ALPL: variants seen among roughly 807,000 people sequenced by gnomAD.
ALPL encodes the protein alkaline phosphatase, tissue-nonspecific isozyme.
ALPL carries 42 observed loss-of-function variants against 51.3 expected under a neutral mutation model. That is an observed-to-expected ratio of 0.82 (90% CI 0.64 to 1.06). ALPL has a LOEUF of 1.06. Ranked by LOEUF, ALPL falls within the 50% of genes least tolerant of loss-of-function variation. ALPL has a pLI of 0.00. For synonymous variants in ALPL, 279 were observed against 296.4 expected, an observed-to-expected ratio of 0.94 and a Z score of 0.60; for missense variants, 589 against 709.4, an observed-to-expected ratio of 0.83 and a Z score of 1.93.
chr1:21,540,800 C>T (rs1258539908), intron 1 of ALPL, among the ~76,000 whole-genome samples: 5 of 152,186 alleles, frequency 3.3e-5, no homozygotes, highest in Non-Finnish European at 7.3e-5. Flanking sequence ...CCCACCCCCA[C>T]GGACACTTCT....
intron 1 of ALPL, among the ~76,000 whole-genome samples, chr1:21,525,524 G>T (rs555390895): frequency 6.6e-6 from 1 of 152,340 alleles, no homozygotes; most frequent in South Asian, 2.1e-4. Context: ...GGGTGCTGGC[G>T]TCTTGGCACT....
At chr1:21,512,303 C>G (rs1005649156) in intron 1 of ALPL, among the ~76,000 whole-genome samples, 1 of 152,134 alleles carries the variant, frequency 6.6e-6, no homozygotes. Context: ...GCCATGCGAC[C>G]CTGGACAAGT....
Position 21,573,454 on chromosome 1 carries a change from GAAAAGAAAAAGAA to G in ALPL, c.863-200_863-188del, listed in dbSNP as rs199875083. On this transcript the variant is annotated intron_variant, in intron 8 of 11. Transcript: ENST00000374840. ...TCTGTCTCAAAAAAAAAAAAGAAAA[GAAAAGAAAAAGAA>G]AAAAGAAAAAAAAAGGAATTGGGGG... is the stretch of plus-strand genomic sequence containing the variant. Among the ~76,000 whole-genome samples the G allele has an allele frequency of 1.1e-3, 170 of 148,146 alleles. 1 individual carries two copies. The highest frequency in any genetic ancestry group is 3.0e-3 in the South Asian group (14 of 4,708).
intron 9 of ALPL, 87 bp downstream of exon 9, chr1:21,573,886 G>A: frequency 6.3e-7 from 1 of 1,595,200 alleles, no homozygotes; most frequent in Admixed American, 1.8e-5. Flanking sequence ...AAAGGGAACT[G>A]ACTGGTTTGG....
intron 1 of ALPL, among the ~76,000 whole-genome samples, chr1:21,540,378 G>C (rs937070216): frequency 6.6e-6 from 1 of 152,122 alleles, no homozygotes; most frequent in Non-Finnish European, 1.5e-5. Context: ...GTTGGTTTGG[G>C]GCATCATGAC....
chr1:21,510,160 C>G (rs1218658343), intron 1 of ALPL, among the ~76,000 whole-genome samples: 2 of 152,224 alleles, frequency 1.3e-5, no homozygotes, highest in East Asian at 3.9e-4. Context: ...CCGAAGGAGC[C>G]TGCCGCCCCC....
intron 10 of ALPL, 78 bp downstream of exon 10, chr1:21,576,002 C>A: frequency 1.3e-6 from 2 of 1,525,918 alleles, no homozygotes; most frequent in Non-Finnish European, 1.8e-6. Flanking sequence ...GGTGGGAGAG[C>A]CAGCAAGCCC....
At chr1:21,537,713 C>T (rs10917006) in intron 1 of ALPL, among the ~76,000 whole-genome samples, 15,767 of 152,208 alleles carry the variant, frequency 0.1, 1,112 homozygotes, top group African/African-American at 0.2. Context: ...GGGGGTGGCA[C>T]GTACACTGGA....
chr1:21,557,548 A>G (rs922964190), intron 2 of ALPL, among the ~76,000 whole-genome samples: 1 of 152,242 alleles, frequency 6.6e-6, no homozygotes, highest in Non-Finnish European at 1.5e-5. Context: ...GGAAAAGGTG[A>G]AAAAGTGACA....
At chr1:21,528,559 C>A (rs570196057) in intron 1 of ALPL, among the ~76,000 whole-genome samples, 1 of 151,438 alleles carries the variant, frequency 6.6e-6, no homozygotes, top group South Asian at 2.1e-4. Flanking sequence ...ACCATATTGG[C>A]CAGACTGGTC....
intron 1 of ALPL, among the ~76,000 whole-genome samples, chr1:21,539,401 G>A (rs74337616): frequency 0.022 from 3,361 of 152,278 alleles, 137 homozygotes; most frequent in African/African-American, 0.075. Flanking sequence ...TTATGAATAC[G>A]ATGACAAAAT....
intron 1 of ALPL, among the ~76,000 whole-genome samples, chr1:21,522,072 A>ATTT (rs35302039): frequency 1.5e-5 from 2 of 134,754 alleles, no homozygotes. Flanking sequence ...ACATATGTCC[A>ATTT]TTTTTTTTTT....
intron 2 of ALPL, among the ~76,000 whole-genome samples, chr1:21,559,034 G>A (rs1391759245): frequency 1.3e-5 from 2 of 152,154 alleles, no homozygotes; most frequent in Non-Finnish European, 2.9e-5. Flanking sequence ...GCGTGTGTGA[G>A]GAAGGAGGGC....
At chr1:21,510,758 C>T (rs756303290) in intron 1 of ALPL, among the ~76,000 whole-genome samples, 1 of 152,236 alleles carries the variant, frequency 6.6e-6, no homozygotes, top group Non-Finnish European at 1.5e-5. Flanking sequence ...CTCCACTCTC[C>T]AGTCTTGCTC....
intron 4 of ALPL, among the ~76,000 whole-genome samples, chr1:21,561,736 A>G (rs1644488949): frequency 1.4e-5 from 2 of 142,804 alleles, no homozygotes; most frequent in African/African-American, 5.4e-5. Flanking sequence ...GCATGACATC[A>G]GCTCACTGCA....
In ALPL at chr1:21,564,049, G is replaced by A; in HGVS notation, c.481G>A (p.Val161Met). Residue 161 changes from valine to methionine, a missense_variant, in exon 6 of 12, where the codon GTG becomes ATG. By Grantham distance (21) the Val-to-Met change is conservative. Coordinates refer to ENST00000374840, the MANE Select transcript of ALPL (RefSeq NM_000478.6). The surrounding 1 kb of genome is among the most constrained non-coding windows in gnomAD (Gnocchi z 5.8). ...CCCCTCCTGCACCCCAGGGAAATCT[G>A]TGGGCATTGTGACCACCACGAGAGT... is the stretch of plus-strand genomic sequence containing the variant. The part of the protein sequence containing the change: ...LRWAKDAGKS[V>M]GIVTTTRVNH... 6.2e-7 allele frequency: 1 copy of A among 1,613,864 alleles called. No individual in the cohort carries two copies. The highest frequency in any genetic ancestry group is 8.5e-7 in the Non-Finnish European group (1 of 1,179,990).
rs111506282 is a variant in ALPL, at chr1:21,512,034, GA to G, written c.-105+2518del. ...CGAGTTCTCACCTTGAAATCAGTCT[GA>G]CTTGGCTTTTTAATACAAAACCCAG... On this transcript the variant is annotated intron_variant, in intron 1 of 11. Coordinates refer to ENST00000374840, the MANE Select transcript of ALPL (RefSeq NM_000478.6). 3.2e-3 allele frequency among the ~76,000 whole-genome samples: 490 copies of G among 152,316 alleles called. 7 individuals are homozygous for G. The highest frequency in any genetic ancestry group is 0.012 in the African/African-American group (483 of 41,574).
At chr1:21,531,689 G>A (rs1474198752) in intron 1 of ALPL, among the ~76,000 whole-genome samples, 1 of 152,220 alleles carries the variant, frequency 6.6e-6, no homozygotes, top group Non-Finnish European at 1.5e-5. Context: ...TTGCCAGGAG[G>A]CAGGTCCAGA....
chr1:21,556,490 C>T lies in ALPL; in HGVS notation c.61+2348C>T, dbSNP rs1644415774. 2.0e-5 allele frequency among the ~76,000 whole-genome samples: 3 copies of T among 151,772 alleles called. No homozygotes were observed. In the South Asian group the frequency reaches 6.2e-4, roughly 32 times the overall value. ...ACCTCCATCTCTAGAAACAAACAAA[C>T]AATTAGCTGGGCATAGTGCTGCATG... On this transcript the variant is annotated intron_variant, in intron 2 of 11. Coordinates refer to ENST00000374840, the MANE Select transcript of ALPL (RefSeq NM_000478.6).
Sources: allele counts gnomAD v4.1 joint callset (sites outside exome capture counted in the v4.1 genomes callset), GRCh38; gene constraint gnomAD v4.1.1; non-coding constraint Gnocchi (gnomAD v3.1); transcripts MANE v1.5; gene names NCBI Gene and HGNC (gene_info 2026-07-23, HGNC 2026-07-21).